Variants in CTH observed in about 807,000 individuals in gnomAD.
CTH encodes the protein cystathionine gamma-lyase.
In CTH, 41 loss-of-function variants were observed where a neutral mutation model predicts 50.6. The ratio of observed to expected loss-of-function variants is 0.81; its 90% CI spans 0.63 to 1.05. CTH has a LOEUF of 1.05. Ranked by LOEUF, CTH falls within the 50% of genes least tolerant of loss-of-function variation. The pLI is 0.00. For missense variants in CTH, 470 were observed against 492.6 expected (o/e 0.95, Z 0.43); for synonymous variants, 156 against 168.9 (o/e 0.92, Z 0.59).
chr1:70,432,288 G>A, intron 8 of CTH, 53 bp downstream of exon 8: 1 of 1,594,902 alleles, frequency 6.3e-7, no homozygotes, highest in Non-Finnish European at 8.6e-7. Flanking sequence ...CAGTTATCCT[G>A]AGCATCGTGT....
At chr1:70,420,406 C>T (rs1684189265) in intron 3 of CTH, among the ~76,000 whole-genome samples, 1 of 152,140 alleles carries the variant, frequency 6.6e-6, no homozygotes, top group Non-Finnish European at 1.5e-5. Flanking sequence ...AAGGAGCATG[C>T]AATCTAGATC....
chr1:70,433,041 C>G (rs911692459), intron 8 of CTH, among the ~76,000 whole-genome samples: 5 of 152,144 alleles, frequency 3.3e-5, no homozygotes, highest in Non-Finnish European at 7.3e-5. Context: ...CCTCTTCCAG[C>G]ATCTAGAAAG....
chr1:70,412,566 C>CT, intron 1 of CTH, among the ~76,000 whole-genome samples: 1 of 152,194 alleles, frequency 6.6e-6, no homozygotes, highest in East Asian at 1.9e-4. Flanking sequence ...CACCATTGTG[C>CT]TCCAGCCTGG....
At chr1:70,418,293 G>A (rs759857863) in intron 3 of CTH, among the ~76,000 whole-genome samples, 8 of 152,124 alleles carry the variant, frequency 5.3e-5, no homozygotes, top group African/African-American at 9.6e-5. Context: ...TCTGTCACCC[G>A]GGTTGGAGTG....
At chr1:70,414,219 A>G (rs977979128) in intron 1 of CTH, among the ~76,000 whole-genome samples, 1 of 149,584 alleles carries the variant, frequency 6.7e-6, no homozygotes, top group African/African-American at 2.4e-5. Flanking sequence ...GCCCTATAAA[A>G]TATGTCTGCT....
intron 1 of CTH, among the ~76,000 whole-genome samples, chr1:70,415,360 C>T (rs1278353440): frequency 6.6e-6 from 1 of 151,950 alleles, no homozygotes; most frequent in Non-Finnish European, 1.5e-5. Context: ...GCTATGATTG[C>T]CCCACCGTAC....
Position 70,424,392 on chromosome 1 carries a change from C to T in CTH, c.564C>T (p.Asn188=). The change falls in exon 5 of 12, where the codon AAC becomes AAT. Residue 188 remains asparagine (N), a synonymous_variant. Coordinates refer to ENST00000370938, the MANE Select transcript of CTH (RefSeq NM_001902.6). The part of the protein sequence containing the change: ...KHGDIILVVD[N]TFMSPYFQRP... ...GAGACATTATTTTGGTCGTGGATAA[C>T]ACTTTTATGTCACCATATTTCCAGG... 2 of 1,614,016 alleles carry T rather than the reference C, an allele frequency of 1.2e-6. No homozygotes were observed. Among genetic ancestry groups the T allele is most frequent in the Non-Finnish European group, 1.7e-6 (2 of 1,179,952 alleles).
rs771762248 is a variant in CTH, at chr1:70,435,158, G to A, written c.1033G>A (p.Glu345Lys). 16 of 1,612,840 alleles carry A rather than the reference G, an allele frequency of 9.9e-6. No homozygotes were observed. The highest frequency in any genetic ancestry group is 2.2e-5 in the South Asian group (2 of 90,998). Residue 345 changes from glutamate (E) to lysine (K), a missense_variant, in exon 10 of 12, where the codon GAA becomes AAA. Glu to Lys is a moderately conservative substitution (Grantham distance 56). Transcript: ENST00000370938. ...FTLAESLGGF[E>K]SLAELPAIMT... ...TCTGGCCGAGAGCTTGGGAGGATTC[G>A]AAAGCCTTGCTGAGCTTCCGTAAGT...
chr1:70,424,576 C>T (rs1684304987), intron 5 of CTH, among the ~76,000 whole-genome samples, 160 bp downstream of exon 5: 1 of 152,126 alleles, frequency 6.6e-6, no homozygotes. Flanking sequence ...CCTCTTCTAC[C>T]ATTAGTTAAT....
intron 10 of CTH, among the ~76,000 whole-genome samples, chr1:70,438,199 C>T (rs879495643): frequency 1.3e-5 from 2 of 152,148 alleles, no homozygotes; most frequent in Non-Finnish European, 2.9e-5. Context: ...CTGGTTGCTA[C>T]TAGTGATTCT....
At chr1:70,424,009 C>G (rs766390334) in intron 4 of CTH, among the ~76,000 whole-genome samples, 3 of 152,150 alleles carry the variant, frequency 2.0e-5, no homozygotes, top group Non-Finnish European at 4.4e-5. Flanking sequence ...AACTTTAGTA[C>G]TTTTCTGTTT....
rs1454076488 is a variant in CTH at position 70,411,592 on chromosome 1, G to T, written c.168+9G>T. On this transcript the variant is annotated intron_variant, in intron 1 of 11. Transcript: ENST00000370938. ...CGCCTGGCCAGCACTCGGTGAGCTGGGTCTGTCTGGGGCTGTCCACAGTTG... is the reference window on the plus strand; with the variant it reads ...CGCCTGGCCAGCACTCGGTGAGCTGTGTCTGTCTGGGGCTGTCCACAGTTG... 1 of 1,613,536 alleles carries T rather than the reference G, an allele frequency of 6.2e-7. No homozygotes were observed. Among genetic ancestry groups the T allele is most frequent in the Non-Finnish European group, 8.5e-7 (1 of 1,179,608 alleles).
intron 5 of CTH, among the ~76,000 whole-genome samples, chr1:70,425,218 T>A (rs183898379): frequency 1.2e-3 from 188 of 152,362 alleles, no homozygotes; most frequent in African/African-American, 4.3e-3. Context: ...CTTATTATTA[T>A]TTTGAACTTT....
chr1:70,429,923 T>C, intron 6 of CTH, 72 bp downstream of exon 6: 1 of 1,041,696 alleles, frequency 9.6e-7, no homozygotes, highest in Non-Finnish European at 1.5e-6. Context: ...TTTTGATCCC[T>C]TTTCTTTGAT....
chr1:70,429,886 A>G, intron 6 of CTH, 35 bp downstream of exon 6: 1 of 1,477,206 alleles, frequency 6.8e-7, no homozygotes, highest in East Asian at 2.3e-5. Context: ...TTTTTCATGG[A>G]TAGGTGAAAA....
intron 3 of CTH, among the ~76,000 whole-genome samples, chr1:70,420,752 A>G (rs1684201535): frequency 6.6e-6 from 1 of 152,192 alleles, no homozygotes; most frequent in Non-Finnish European, 1.5e-5. Flanking sequence ...AAATTATAGA[A>G]ATCTGAAACC....
At chr1:70,411,780 G>A in intron 1 of CTH, 197 bp downstream of exon 1, 1 of 748,734 alleles carries the variant, frequency 1.3e-6, no homozygotes, top group Non-Finnish European at 1.6e-6. Context: ...TGATAAGCAG[G>A]ACTGGAAGGA....
chr1:70,416,329 C>T (rs1448542666), intron 2 of CTH, among the ~76,000 whole-genome samples: 1 of 152,146 alleles, frequency 6.6e-6, no homozygotes, highest in Admixed American at 6.5e-5. Flanking sequence ...AAACAATCTT[C>T]ATCTGAAACT....
rs529824425 is a variant in CTH, at chr1:70,411,503, G to C, written c.88G>C (p.Glu30Gln). Residue 30 changes from glutamate to glutamine, a missense_variant, in exon 1 of 12, where the codon GAG becomes CAG. By Grantham distance (29) the Glu-to-Gln change is conservative. Transcript: ENST00000370938. The part of the protein sequence containing the change: ...TQAIHVGQDP[E>Q]QWTSRAVVPP... ...GGCGATCCATGTGGGCCAGGATCCA[G>C]AGCAATGGACCTCCAGGGCTGTAGT... 140 of 1,614,200 alleles carry C rather than the reference G, an allele frequency of 8.7e-5. 3 individuals are homozygous for C. In the South Asian group the frequency reaches 1.4e-3, roughly 17 times the overall value.
Sources: gnomAD v4.1 joint callset for allele counts (sites outside exome capture counted in the v4.1 genomes callset) on GRCh38, gnomAD v4.1.1 for gene constraint, MANE v1.5 for transcripts, NCBI Gene and HGNC (gene_info 2026-07-23, HGNC 2026-07-21) for gene names.